Variants in AGBL1 observed in about 807,000 individuals in gnomAD.
AGBL1 encodes the protein AGBL carboxypeptidase 1, also known as cytosolic carboxypeptidase 4.
A neutral mutation model predicts 118.9 loss-of-function variants in AGBL1; 130 were observed. That is an observed-to-expected ratio of 1.09 (90% CI 0.95 to 1.26). AGBL1 has a LOEUF of 1.26. AGBL1 is among the 50% of genes most tolerant of loss of function. The pLI, the probability that AGBL1 is intolerant of heterozygous loss-of-function variation, is 0.00. For missense variants in AGBL1, 1,584 were observed against 1,298.1 expected (o/e 1.22, Z -3.38); for synonymous variants, 555 against 478.9 (o/e 1.16, Z -2.08).
intron 17 of AGBL1, among the ~76,000 whole-genome samples, chr15:86,304,708 A>G (rs553534897): frequency 7.2e-5 from 11 of 152,194 alleles, no homozygotes; most frequent in African/African-American, 2.6e-4. Flanking sequence ...GTAGCCACAA[A>G]TGTGCTCATA....
At chr15:86,226,390 T>C (rs2078363449) in intron 6 of AGBL1, among the ~76,000 whole-genome samples, 1 of 152,158 alleles carries the variant, frequency 6.6e-6, no homozygotes, top group Admixed American at 6.5e-5. Flanking sequence ...AAGCTATCTC[T>C]CAAATCCCCC....
intron 17 of AGBL1, among the ~76,000 whole-genome samples, chr15:86,313,310 T>G (rs965597800): frequency 1.3e-5 from 2 of 152,074 alleles, no homozygotes; most frequent in Non-Finnish European, 2.9e-5. Context: ...TCTGAACTCT[T>G]TAGAAAAAAA....
At chr15:86,659,023 C>T (rs1041828525) in intron 21 of AGBL1, among the ~76,000 whole-genome samples, 1 of 152,128 alleles carries the variant, frequency 6.6e-6, no homozygotes, top group African/African-American at 2.4e-5. Flanking sequence ...GGCGGGTATT[C>T]ACAAAGACAG....
At chr15:86,671,672 T>C (rs2085748397) in intron 21 of AGBL1, among the ~76,000 whole-genome samples, 1 of 152,214 alleles carries the variant, frequency 6.6e-6, no homozygotes, top group Admixed American at 6.5e-5. Flanking sequence ...GTTTTATTTT[T>C]AATGCTCACA....
intron 16 of AGBL1, among the ~76,000 whole-genome samples, chr15:86,281,311 AG>A (rs1441542040): frequency 2.0e-5 from 3 of 152,128 alleles, no homozygotes; most frequent in Admixed American, 6.5e-5. Flanking sequence ...TGGGCTCAGG[AG>A]GTTGAGGCTG....
chr15:86,616,526 T>C (rs2084728732), intron 21 of AGBL1, among the ~76,000 whole-genome samples: 4 of 152,082 alleles, frequency 2.6e-5, no homozygotes, highest in Admixed American at 2.0e-4. Flanking sequence ...AAATGCCTGA[T>C]CAATGGGTAA....
intron 18 of AGBL1, among the ~76,000 whole-genome samples, chr15:86,434,218 CAG>C (rs1402993930): frequency 6.6e-6 from 1 of 152,238 alleles, no homozygotes; most frequent in Non-Finnish European, 1.5e-5. Context: ...GTTGTCCACA[CAG>C]AGTTTTACGA....
intron 17 of AGBL1, among the ~76,000 whole-genome samples, chr15:86,384,891 G>A (rs1707849402): frequency 6.6e-6 from 1 of 152,162 alleles, no homozygotes; most frequent in Non-Finnish European, 1.5e-5. Context: ...AAAACAGAAT[G>A]TTTTGAGGGG....
chr15:86,347,239 G>C (rs556356978), intron 17 of AGBL1, among the ~76,000 whole-genome samples: 46 of 152,300 alleles, frequency 3.0e-4, no homozygotes, highest in African/African-American at 1.1e-3. Flanking sequence ...ATTTCATGAA[G>C]AGCATTTTAC....
intron 24 of AGBL1, among the ~76,000 whole-genome samples, chr15:87,001,878 G>C (rs2081442256): frequency 6.6e-6 from 1 of 151,792 alleles, no homozygotes; most frequent in African/African-American, 2.4e-5. Flanking sequence ...GGATGTATTA[G>C]CCCTTTGTCA....
chr15:86,455,766 C>T (rs2082251555), intron 18 of AGBL1, among the ~76,000 whole-genome samples: 1 of 152,126 alleles, frequency 6.6e-6, no homozygotes, highest in African/African-American at 2.4e-5. Context: ...ATTGTCTTAT[C>T]TTTGTCTTCA....
intron 6 of AGBL1, among the ~76,000 whole-genome samples, chr15:86,236,343 CTTTTTTTT>C (rs10531800): frequency 7.0e-6 from 1 of 143,672 alleles, no homozygotes; most frequent in South Asian, 2.2e-4. Context: ...GAAACTACTA[CTTTTTTTT>C]TTTTTTTTTT....
intron 22 of AGBL1, among the ~76,000 whole-genome samples, chr15:86,870,453 G>GAAAAAAAAAAAAAA (rs2079705315): frequency 6.4e-5 from 1 of 15,614 alleles, no homozygotes; most frequent in Non-Finnish European, 1.1e-4. Context: ...AAAGCATACT[G>GAAAAAAAAAAAAAA]CAAAAAAAAA....
intron 17 of AGBL1, among the ~76,000 whole-genome samples, chr15:86,338,606 G>T (rs1453440440): frequency 6.6e-6 from 1 of 152,098 alleles, no homozygotes; most frequent in Non-Finnish European, 1.5e-5. Context: ...AAGGTAGGGG[G>T]GTGGCTGTAT....
At chr15:86,534,510 C>T (rs1014062895) in intron 19 of AGBL1, among the ~76,000 whole-genome samples, 1 of 152,184 alleles carries the variant, frequency 6.6e-6, no homozygotes, top group African/African-American at 2.4e-5. Flanking sequence ...AGAAGCTTCT[C>T]ATTTGATGGG....
At chr15:86,326,598 G>C (rs1009680043) in intron 17 of AGBL1, among the ~76,000 whole-genome samples, 5 of 151,960 alleles carry the variant, frequency 3.3e-5, no homozygotes, top group African/African-American at 9.7e-5. Flanking sequence ...TCTTTTTAAG[G>C]ATACTTGATT....
chr15:86,518,439 C>T (rs1213833799), intron 18 of AGBL1, among the ~76,000 whole-genome samples: 2 of 152,036 alleles, frequency 1.3e-5, no homozygotes, highest in Non-Finnish European at 2.9e-5. Flanking sequence ...GGCTTCTATT[C>T]AGTGACCCTT....
chr15:86,825,456 T>C (rs889182930), intron 22 of AGBL1, among the ~76,000 whole-genome samples: 2 of 113,760 alleles, frequency 1.8e-5, no homozygotes, highest in Non-Finnish European at 3.7e-5. Flanking sequence ...AAAGAACTTT[T>C]ATCAATAATA....
At chr15:86,635,302 CTCCTCCTCCT>C (rs2085062339) in intron 21 of AGBL1, among the ~76,000 whole-genome samples, 2 of 3,196 alleles carry the variant, frequency 6.3e-4, no homozygotes, top group Non-Finnish European at 2.3e-3. Context: ...TCCCCCTCCC[CTCCTCCTCCT>C]CCTCCTCCTC....
Sources: allele counts gnomAD v4.1 joint callset (sites outside exome capture counted in the v4.1 genomes callset), GRCh38; gene constraint gnomAD v4.1.1; transcripts MANE v1.5; gene names NCBI Gene and HGNC (gene_info 2026-07-23, HGNC 2026-07-21).